The following CCNY variants were observed in gnomAD, a reference collection of about 807,000 sequenced individuals.
CCNY encodes the protein cyclin Y.
A neutral mutation model predicts 42.8 loss-of-function variants in CCNY; 19 were observed. The observed-to-expected ratio is 0.44, with a 90% confidence interval of 0.31 to 0.65. The LOEUF is 0.65. Ranked by LOEUF, CCNY falls within the 30% of genes least tolerant of loss-of-function variation. The pLI, the probability that CCNY is intolerant of heterozygous loss-of-function variation, is 0.07. For synonymous variants in CCNY, 165 were observed against 162.7 expected (o/e 1.01, Z -0.11); for missense variants, 370 against 437.3 (o/e 0.85, Z 1.37).
chr10:35,447,070 G>A (rs754857740), intron 1 of CCNY, among the ~76,000 whole-genome samples: 1 of 152,196 alleles, frequency 6.6e-6, no homozygotes, highest in Non-Finnish European at 1.5e-5. Flanking sequence ...GAGGTCAGGA[G>A]ATCGAGACCA....
intron 7 of CCNY, among the ~76,000 whole-genome samples, chr10:35,543,060 T>C (rs1841036916): frequency 6.6e-6 from 1 of 152,230 alleles, no homozygotes; most frequent in Admixed American, 6.5e-5. Flanking sequence ...ATCTACTCTT[T>C]AACATCTATT....
At chr10:35,344,568 A>AT (rs1230232464) in intron 1 of CCNY, among the ~76,000 whole-genome samples, 4 of 151,528 alleles carry the variant, frequency 2.6e-5, no homozygotes, top group African/African-American at 4.9e-5. Context: ...GGTATACTTT[A>AT]TTTCTTTTTT....
intron 1 of CCNY, among the ~76,000 whole-genome samples, chr10:35,404,169 G>GT (rs1837705741): frequency 6.6e-6 from 1 of 152,224 alleles, no homozygotes; most frequent in South Asian, 2.1e-4. Flanking sequence ...GATGAGCATA[G>GT]TTTGTGATTT....
At chr10:35,553,422 G>A (rs2295496) in intron 8 of CCNY, among the ~76,000 whole-genome samples, 2,743 of 152,200 alleles carry the variant, frequency 0.018, 68 homozygotes, top group African/African-American at 0.053. Context: ...TGTGAAACTG[G>A]TTTACAGAAA....
At chr10:35,387,244 A>G (rs950770509) in intron 1 of CCNY, among the ~76,000 whole-genome samples, 1 of 151,310 alleles carries the variant, frequency 6.6e-6, no homozygotes, top group East Asian at 1.9e-4. Flanking sequence ...AGTTACTGCC[A>G]GTGAGATAGT....
At chr10:35,444,335 C>T (rs1033381269) in intron 1 of CCNY, among the ~76,000 whole-genome samples, 6 of 151,360 alleles carry the variant, frequency 4.0e-5, no homozygotes, top group African/African-American at 1.5e-4. Context: ...GCAACCTCTG[C>T]CCCCCGGGTT....
At chr10:35,254,353 T>C (rs2095714052) in intron 3 of CCNY, among the ~76,000 whole-genome samples, 2 of 152,192 alleles carry the variant, frequency 1.3e-5, no homozygotes, top group Non-Finnish European at 2.9e-5. Context: ...GCTTCATTTT[T>C]ATTTTCTGTT....
intron 3 of CCNY, among the ~76,000 whole-genome samples, chr10:35,508,671 G>A (rs965286542): frequency 2.0e-5 from 3 of 152,090 alleles, no homozygotes; most frequent in Non-Finnish European, 4.4e-5. Flanking sequence ...TCCCATTCCA[G>A]TCTATCCCAT....
At chr10:35,368,472 G>A (rs999605899) in intron 1 of CCNY, among the ~76,000 whole-genome samples, 5 of 152,226 alleles carry the variant, frequency 3.3e-5, no homozygotes, top group African/African-American at 1.2e-4. Flanking sequence ...AAGTGCTCAT[G>A]TTATTATTCT....
chr10:35,360,830 G>C (rs1328145713), intron 1 of CCNY, among the ~76,000 whole-genome samples: 1 of 151,978 alleles, frequency 6.6e-6, no homozygotes, highest in Non-Finnish European at 1.5e-5. Flanking sequence ...CATTAATCAA[G>C]CTTCTATGGT....
chr10:35,272,107 C>T (rs1402501968), intron 3 of CCNY, among the ~76,000 whole-genome samples: 3 of 152,146 alleles, frequency 2.0e-5, no homozygotes, highest in Admixed American at 6.5e-5. Context: ...TTACCTCAGC[C>T]TCCTGAGTAG....
chr10:35,558,705 C>T (rs1159905010), intron 8 of CCNY, among the ~76,000 whole-genome samples: 1 of 152,166 alleles, frequency 6.6e-6, no homozygotes, highest in Non-Finnish European at 1.5e-5. Context: ...GAGGGATGGC[C>T]ATGTGAGGAC....
At chr10:35,272,141 C>A (rs1835178363) in intron 3 of CCNY, among the ~76,000 whole-genome samples, 1 of 152,148 alleles carries the variant, frequency 6.6e-6, no homozygotes, top group African/African-American at 2.4e-5. Context: ...CATGCAACAC[C>A]ATGCCCAGCT....
At chr10:35,556,261 G>A (rs1196094855) in intron 8 of CCNY, among the ~76,000 whole-genome samples, 3 of 152,132 alleles carry the variant, frequency 2.0e-5, no homozygotes, top group Non-Finnish European at 4.4e-5. Flanking sequence ...GAAGAAACTG[G>A]AGTGCCACCT....
chr10:35,413,115 G>A (rs1837949766), intron 1 of CCNY, among the ~76,000 whole-genome samples: 1 of 152,106 alleles, frequency 6.6e-6, no homozygotes, highest in African/African-American at 2.4e-5. Flanking sequence ...GACACCAAGA[G>A]GTAATTTTAA....
intron 9 of CCNY, among the ~76,000 whole-genome samples, chr10:35,566,488 C>G (rs1841575304): frequency 6.6e-6 from 1 of 152,080 alleles, no homozygotes. Context: ...ATTACAGGTG[C>G]CTGCCACCAC....
chr10:35,553,640 A>G (rs1841305766), intron 8 of CCNY, among the ~76,000 whole-genome samples: 1 of 152,172 alleles, frequency 6.6e-6, no homozygotes, highest in South Asian at 2.1e-4. Context: ...TCACAGAGAA[A>G]ACATCCACTG....
chr10:35,554,148 C>T (rs1564456699), intron 8 of CCNY, among the ~76,000 whole-genome samples: 1 of 152,092 alleles, frequency 6.6e-6, no homozygotes, highest in Non-Finnish European at 1.5e-5. Context: ...TTCCCAGTGC[C>T]TGTGACAACT....
At chr10:35,423,580 T>C (rs1052741068) in intron 1 of CCNY, among the ~76,000 whole-genome samples, 1 of 151,798 alleles carries the variant, frequency 6.6e-6, no homozygotes, top group African/African-American at 2.4e-5. Context: ...TTTGGTACAC[T>C]GTACATTTTA....
Sources: gnomAD v4.1 joint callset for allele counts (sites outside exome capture counted in the v4.1 genomes callset) on GRCh38, gnomAD v4.1.1 for gene constraint, MANE v1.5 for transcripts, NCBI Gene and HGNC (gene_info 2026-07-23, HGNC 2026-07-21) for gene names.